Variants in PHACTR1 observed in about 807,000 individuals in gnomAD.
The protein encoded by PHACTR1 is RPEL repeat containing 1.
In PHACTR1, 16 loss-of-function variants were observed where a neutral mutation model predicts 69.2. The observed-to-expected ratio is 0.23, with a 90% CI of 0.16 to 0.35. The LOEUF (loss-of-function observed/expected upper bound fraction) is 0.35. Among genes scored for constraint, PHACTR1 ranks in the 10% least tolerant of loss-of-function variants. PHACTR1 has a pLI of 1.00. For synonymous variants in PHACTR1, 312 were observed against 284.5 expected (o/e 1.10, Z -0.97); for missense variants, 510 against 734.7 (o/e 0.69, Z 3.54).
intron 5 of PHACTR1, among the ~76,000 whole-genome samples, chr6:13,056,806 A>G (rs1362141182): frequency 6.6e-6 from 1 of 152,224 alleles, no homozygotes; most frequent in Non-Finnish European, 1.5e-5. Context: ...TGCTGAAGAC[A>G]GGCCAGGGTG....
At chr6:13,198,933 G>A (rs1764806889) in intron 7 of PHACTR1, among the ~76,000 whole-genome samples, 2 of 152,164 alleles carry the variant, frequency 1.3e-5, no homozygotes, top group African/African-American at 4.8e-5. Context: ...TGCAGCACCA[G>A]GTGTCATTTC....
rs552219195 is a variant in PHACTR1 at position 12,751,407 on chromosome 6, G to A, written c.250+1617G>A. On this transcript the variant is annotated intron_variant, in intron 4 of 14. Transcript: ENST00000332995. Reference sequence around the variant, plus strand: ...GTATGGTTGTGAGGGGTCTCACAAAGGACCGATAATAGTTTCTTTTAGGAG... The same window carrying A: ...GTATGGTTGTGAGGGGTCTCACAAAAGACCGATAATAGTTTCTTTTAGGAG... Among the ~76,000 whole-genome samples, 5 of 152,288 alleles carry A rather than the reference G, an allele frequency of 3.3e-5. No individual in the cohort carries two copies. In the South Asian group the frequency reaches 1.0e-3, roughly 32 times the overall value.
intron 3 of PHACTR1, among the ~76,000 whole-genome samples, chr6:12,724,173 G>A (rs942812201): frequency 2.6e-5 from 4 of 151,822 alleles, no homozygotes; most frequent in African/African-American, 7.3e-5. Flanking sequence ...CTAAAAATAC[G>A]AAAGTTAGCT....
At chr6:12,973,916 ATTT>A (rs33948457) in intron 4 of PHACTR1, among the ~76,000 whole-genome samples, 8 of 92,836 alleles carry the variant, frequency 8.6e-5, no homozygotes, top group South Asian at 4.3e-4. Context: ...AGAGGCTGGG[ATTT>A]TTTTTTTTTT....
chr6:12,934,679 T>C (rs1789243607), intron 4 of PHACTR1, among the ~76,000 whole-genome samples: 1 of 151,882 alleles, frequency 6.6e-6, no homozygotes, highest in Admixed American at 6.6e-5. Flanking sequence ...CTAATAAAAA[T>C]ACAAAAATTA....
At chr6:12,802,174 A>G (rs181254621) in intron 4 of PHACTR1, among the ~76,000 whole-genome samples, 99 of 150,740 alleles carry the variant, frequency 6.6e-4, no homozygotes, top group Admixed American at 1.5e-3. Context: ...TAAAGGGCAT[A>G]TAAATATAAC....
chr6:13,122,675 T>A (rs1818915963), intron 5 of PHACTR1, among the ~76,000 whole-genome samples: 1 of 152,246 alleles, frequency 6.6e-6, no homozygotes, highest in African/African-American at 2.4e-5. Context: ...GTATGTGTAC[T>A]TTTTTATTTT....
At chr6:13,109,143 A>T (rs572618462) in intron 5 of PHACTR1, among the ~76,000 whole-genome samples, 7 of 152,074 alleles carry the variant, frequency 4.6e-5, no homozygotes, top group Non-Finnish European at 8.8e-5. Flanking sequence ...TTATTTCAAC[A>T]TGTAAACCTC....
chr6:12,903,433 T>C (rs1785405091), intron 4 of PHACTR1, among the ~76,000 whole-genome samples: 3 of 152,186 alleles, frequency 2.0e-5, no homozygotes, highest in Admixed American at 1.3e-4. Flanking sequence ...CACTGCAAGG[T>C]TAAAGAAGAA....
intron 4 of PHACTR1, among the ~76,000 whole-genome samples, chr6:12,816,242 A>G (rs955369345): frequency 2.0e-5 from 3 of 152,232 alleles, no homozygotes; most frequent in Non-Finnish European, 4.4e-5. Flanking sequence ...TATGCAAAAG[A>G]GATGTGAACC....
At chr6:12,980,848 C>T (rs532553301) in intron 4 of PHACTR1, among the ~76,000 whole-genome samples, 42 of 152,282 alleles carry the variant, frequency 2.8e-4, no homozygotes, top group African/African-American at 9.6e-4. Flanking sequence ...TTTCAGAAAT[C>T]CCCAAGTAGG....
At chr6:13,133,609 C>G (rs1041281186) in intron 5 of PHACTR1, among the ~76,000 whole-genome samples, 1 of 152,144 alleles carries the variant, frequency 6.6e-6, no homozygotes, top group Non-Finnish European at 1.5e-5. Flanking sequence ...CAATGTTGCC[C>G]AGGCTGGAGT....
chr6:13,057,653 T>G (rs1807008915), intron 5 of PHACTR1, among the ~76,000 whole-genome samples: 1 of 152,216 alleles, frequency 6.6e-6, no homozygotes, highest in Admixed American at 6.5e-5. Context: ...TATTTGATAG[T>G]AGATAGTGTA....
chr6:13,216,971 A>AT (rs926187555), intron 8 of PHACTR1, among the ~76,000 whole-genome samples: 10 of 151,932 alleles, frequency 6.6e-5, no homozygotes, highest in African/African-American at 2.4e-4. Flanking sequence ...TCTGCTTTTG[A>AT]TTTTTTTTGC....
chr6:13,199,518 G>A (rs1320966227), intron 7 of PHACTR1, among the ~76,000 whole-genome samples: 1 of 151,788 alleles, frequency 6.6e-6, no homozygotes. Context: ...AACAGAAATG[G>A]GTACTAGATA....
intron 4 of PHACTR1, among the ~76,000 whole-genome samples, chr6:13,010,727 C>T (rs1799353603): frequency 6.6e-6 from 1 of 151,864 alleles, no homozygotes; most frequent in Non-Finnish European, 1.5e-5. Flanking sequence ...TTAAGTGTAT[C>T]CTAAATAAGG....
At chr6:12,985,061 A>G (rs1294806341) in intron 4 of PHACTR1, among the ~76,000 whole-genome samples, 1 of 152,260 alleles carries the variant, frequency 6.6e-6, no homozygotes, top group Non-Finnish European at 1.5e-5. Flanking sequence ...ACTAGTATAT[A>G]TAGATACAAT....
chr6:13,282,142 C>T (rs547496284), intron 12 of PHACTR1, among the ~76,000 whole-genome samples: 90 of 152,318 alleles, frequency 5.9e-4, no homozygotes, highest in African/African-American at 2.1e-3. Context: ...GTGGTTTGGA[C>T]TCCATTGTGT....
At chr6:12,925,179 A>G (rs890912127) in intron 4 of PHACTR1, among the ~76,000 whole-genome samples, 5 of 152,248 alleles carry the variant, frequency 3.3e-5, no homozygotes, top group Non-Finnish European at 7.3e-5. Flanking sequence ...AACTTCAAGA[A>G]CAAACATCTC....
Sources: gnomAD v4.1 joint callset for allele counts (sites outside exome capture counted in the v4.1 genomes callset) on GRCh38, gnomAD v4.1.1 for gene constraint, MANE v1.5 for transcripts, NCBI Gene and HGNC (gene_info 2026-07-23, HGNC 2026-07-21) for gene names.